The following STPG2 variants were observed in gnomAD, a reference collection of about 807,000 sequenced individuals.
The protein encoded by STPG2 is sperm-tail PG-rich repeat-containing protein 2.
In STPG2, 56 loss-of-function variants were observed where a neutral mutation model predicts 54.2. The ratio of observed to expected loss-of-function variants is 1.03; its 90% confidence interval spans 0.83 to 1.29. STPG2 has a LOEUF of 1.29. Ranked by LOEUF, STPG2 falls within the 50% of genes most tolerant of loss-of-function variation. The pLI is 0.00. For missense variants in STPG2, 596 were observed against 544.9 expected, an observed-to-expected ratio of 1.09 and a Z score of -0.93; for synonymous variants, 200 against 181.8, an observed-to-expected ratio of 1.10 and a Z score of -0.81.
At chr4:97,763,504 A>G (rs1725949714) in intron 9 of STPG2, among the ~76,000 whole-genome samples, 1 of 152,204 alleles carries the variant, frequency 6.6e-6, no homozygotes, top group Non-Finnish European at 1.5e-5. Context: ...AATTTCTATG[A>G]TAGGTGACAT....
chr4:97,856,931 C>T (rs1729357215), intron 8 of STPG2, among the ~76,000 whole-genome samples: 1 of 152,060 alleles, frequency 6.6e-6, no homozygotes, highest in Non-Finnish European at 1.5e-5. Flanking sequence ...TGGTTTTTGT[C>T]TTTATTCTCT....
intron 4 of STPG2, among the ~76,000 whole-genome samples, chr4:97,467,225 T>C (rs1025722739): frequency 6.6e-6 from 1 of 151,942 alleles, no homozygotes; most frequent in Non-Finnish European, 1.5e-5. Flanking sequence ...ATGAGTATTT[T>C]TCATTTTCAT....
chr4:97,475,614 T>A (rs1730051711), intron 4 of STPG2, among the ~76,000 whole-genome samples: 1 of 152,084 alleles, frequency 6.6e-6, no homozygotes, highest in South Asian at 2.1e-4. Flanking sequence ...AGGTCCTACA[T>A]GGGTTTTCTT....
chr4:97,848,840 T>C (rs1729053065), intron 8 of STPG2, among the ~76,000 whole-genome samples: 1 of 150,490 alleles, frequency 6.6e-6, no homozygotes, highest in Admixed American at 6.6e-5. Flanking sequence ...GAGGGCTCTG[T>C]TCTGTTCCAT....
At chr4:97,675,738 A>T (rs968929692) in intron 10 of STPG2, among the ~76,000 whole-genome samples, 2 of 151,312 alleles carry the variant, frequency 1.3e-5, no homozygotes, top group Non-Finnish European at 2.9e-5. Flanking sequence ...TCCTGGGTTG[A>T]CTTTGCACTA....
At chr4:97,446,032 T>C (rs1578304181) in intron 4 of STPG2, among the ~76,000 whole-genome samples, 1 of 152,342 alleles carries the variant, frequency 6.6e-6, no homozygotes, top group Non-Finnish European at 1.5e-5. Context: ...TAGTTCAATA[T>C]ATATTAACTT....
chr4:97,698,658 A>G (rs924063046), intron 10 of STPG2, among the ~76,000 whole-genome samples: 1 of 152,122 alleles, frequency 6.6e-6, no homozygotes, highest in Non-Finnish European at 1.5e-5. Flanking sequence ...GGCCCTGTGA[A>G]TCCTGGCTAT....
At chr4:97,799,908 C>G (rs565920100) in intron 9 of STPG2, among the ~76,000 whole-genome samples, 1 of 152,144 alleles carries the variant, frequency 6.6e-6, no homozygotes, top group Non-Finnish European at 1.5e-5. Context: ...CTCTAAACTT[C>G]TCTTCTCGCT....
At chr4:98,026,175 G>A (rs6854919) in intron 5 of STPG2, 533,735 of 1,309,170 alleles carry the variant, frequency 0.41, 109,264 homozygotes, top group African/African-American at 0.45. Context: ...AGGTGGAATC[G>A]TCCCAAAATG....
chr4:97,942,866 C>T (rs1308280272), intron 8 of STPG2, among the ~76,000 whole-genome samples: 2 of 152,160 alleles, frequency 1.3e-5, no homozygotes, highest in African/African-American at 4.8e-5. Flanking sequence ...TTGTTATTAA[C>T]AATATCTTCT....
At chr4:97,841,313 T>C (rs1019414993) in intron 8 of STPG2, among the ~76,000 whole-genome samples, 1 of 151,734 alleles carries the variant, frequency 6.6e-6, no homozygotes, top group Admixed American at 6.6e-5. Context: ...TAAGTGAACA[T>C]TGTTTTACTT....
chr4:97,512,310 A>G lies in STPG2; in HGVS notation c.462+200389T>C, dbSNP rs75465402. ...CAGGACTACATGATTGGCATCAATA[A>G]CTAAGATAGGAAAGGTAGGCAATGA... On this transcript the variant is annotated intron_variant, in intron 4 of 4. Transcript: ENST00000522676. 9.6e-3 allele frequency among the ~76,000 whole-genome samples: 1,460 copies of G among 152,290 alleles called. 26 individuals are homozygous for G. Among genetic ancestry groups the G allele is most frequent in the African/African-American group, 0.033 (1,374 of 41,584 alleles).
chr4:97,898,482 A>C (rs940693802), intron 8 of STPG2, among the ~76,000 whole-genome samples: 7 of 151,742 alleles, frequency 4.6e-5, no homozygotes, highest in Non-Finnish European at 8.9e-5. Context: ...TTAATCATAA[A>C]ATCTGTGTGA....
intron 8 of STPG2, among the ~76,000 whole-genome samples, chr4:97,907,520 T>C (rs1239066951): frequency 1.3e-5 from 2 of 151,986 alleles, no homozygotes; most frequent in Non-Finnish European, 2.9e-5. Flanking sequence ...AAAACTACTT[T>C]AAAGTTCATA....
chr4:97,760,027 T>C (rs1311429735), intron 9 of STPG2, among the ~76,000 whole-genome samples: 10 of 152,316 alleles, frequency 6.6e-5, no homozygotes, highest in East Asian at 1.9e-4. Flanking sequence ...AATATAGTTA[T>C]AGTATAATCT....
intron 6 of STPG2, among the ~76,000 whole-genome samples, chr4:97,976,547 A>T (rs920492841): frequency 4.6e-5 from 7 of 152,154 alleles, no homozygotes; most frequent in African/African-American, 1.7e-4. Flanking sequence ...CAGGAACCCC[A>T]GATCAGATCT....
At chr4:97,692,820 G>A (rs989895877) in intron 10 of STPG2, among the ~76,000 whole-genome samples, 1 of 152,118 alleles carries the variant, frequency 6.6e-6, no homozygotes, top group Admixed American at 6.6e-5. Context: ...ACCTAAAAAA[G>A]AAAACCTATC....
intron 5 of STPG2, among the ~76,000 whole-genome samples, chr4:98,055,995 C>T (rs916853824): frequency 1.3e-5 from 2 of 152,180 alleles, no homozygotes; most frequent in African/African-American, 2.4e-5. Context: ...CCCCATACGG[C>T]AGCTTTCCCC....
chr4:98,085,849 T>G (rs1738487515), intron 5 of STPG2, among the ~76,000 whole-genome samples: 1 of 152,080 alleles, frequency 6.6e-6, no homozygotes, highest in Non-Finnish European at 1.5e-5. Context: ...TATGGGTTCT[T>G]CAAGAGTATT....
Sources: gnomAD v4.1 joint callset for allele counts (sites outside exome capture counted in the v4.1 genomes callset) on GRCh38, gnomAD v4.1.1 for gene constraint, MANE v1.5 for transcripts, NCBI Gene and HGNC (gene_info 2026-07-23, HGNC 2026-07-21) for gene names.